NCOA5: variants seen among roughly 807,000 people sequenced by gnomAD.
The protein encoded by NCOA5 is nuclear receptor coactivator 5.
NCOA5 carries 12 observed loss-of-function variants against 59.0 expected under a neutral mutation model. The ratio of observed to expected loss-of-function variants is 0.20; its 90% CI spans 0.13 to 0.33. The LOEUF is 0.33. Among genes scored for constraint, NCOA5 ranks in the 10% least tolerant of loss-of-function variants. NCOA5 has a pLI of 1.00. For synonymous variants in NCOA5, 270 were observed against 275.5 expected (o/e 0.98, Z 0.20); for missense variants, 655 against 766.6 (o/e 0.85, Z 1.72).
chr20:46,070,484 T>C lies in NCOA5; in HGVS notation c.91A>G (p.Ile31Val), dbSNP rs764602082. The C allele has an allele frequency of 1.2e-5, 19 of 1,613,984 alleles. No individual in the cohort carries two copies. The highest frequency in any genetic ancestry group is 3.3e-4 in the Middle Eastern group (2 of 6,062). ...GGCTCTCTCCTTGGACTTCCTCGAA[T>C]TGGGGATCGATCACGCCTTGAATCT... is the stretch of plus-strand genomic sequence containing the variant. ...SRDSRRDRSP[I>V]RGSPRREPRD... Residue 31 changes from isoleucine (I) to valine (V), a missense_variant, in exon 3 of 8, where the codon ATT becomes GTT. Ile to Val is a conservative substitution (Grantham distance 29). Transcript: ENST00000290231.
chr20:46,068,351 C>T, intron 4 of NCOA5, 151 bp downstream of exon 4: 3 of 663,992 alleles, frequency 4.5e-6, no homozygotes, highest in South Asian at 4.0e-5. Flanking sequence ...TGCTCTTTAC[C>T]CACTAATAAG....
chr20:46,084,888 C>A (rs1429825988), intron 1 of NCOA5, among the ~76,000 whole-genome samples: 1 of 152,160 alleles, frequency 6.6e-6, no homozygotes, highest in Admixed American at 6.5e-5. Context: ...AAGTGGAGAA[C>A]AAGTGATGAA....
At position 46,062,179 on chromosome 20, in the gene NCOA5, T is replaced by C. The variant is rs2084773257; in HGVS notation, c.*121A>G. 1 of 718,960 alleles carries C rather than the reference T, an allele frequency of 1.4e-6. No homozygotes were observed. Among genetic ancestry groups the C allele is most frequent in the Non-Finnish European group, 2.2e-6 (1 of 445,286 alleles). The allele number at this position is 718,960 out of a possible 1,614,324, so 44.5% of individuals were successfully genotyped here. ...AGAAGAGAGAGCAGGTGGTAGAAAT[T>C]GATGACACTCGATGCCGGCCTGGGA... is the stretch of plus-strand genomic sequence containing the variant. On this transcript the variant is annotated 3_prime_UTR_variant, in exon 8 of 8. Coordinates refer to ENST00000290231, the MANE Select transcript of NCOA5 (RefSeq NM_020967.3).
At chr20:46,073,888 G>T (rs2084909671) in intron 2 of NCOA5, among the ~76,000 whole-genome samples, 1 of 152,148 alleles carries the variant, frequency 6.6e-6, no homozygotes, top group Non-Finnish European at 1.5e-5. Context: ...CTTCCAGTCT[G>T]AGAGGGCAAG....
At position 46,065,037 on chromosome 20, in the gene NCOA5, G is replaced by T. The variant is rs759029135; in HGVS notation, c.821C>A (p.Thr274Asn). 6.2e-7 allele frequency: 1 copy of T among 1,614,148 alleles called. No homozygotes were observed. Among genetic ancestry groups the T allele is most frequent in the Non-Finnish European group, 8.5e-7 (1 of 1,180,024 alleles). ...GTATTCTGACTCTGTACCTTGCGGG[G>T]TTCCAAACATGATGTTGACTGTGCA... The part of the protein sequence containing the change: ...RSCTVNIMFG[T>N]PQEHRNMPQA... Residue 274 changes from threonine (T) to asparagine (N), a missense_variant, in exon 6 of 8, where the codon ACC becomes AAC. Transcript: ENST00000290231.
intron 1 of NCOA5, among the ~76,000 whole-genome samples, chr20:46,085,731 A>C (rs947008151): frequency 3.3e-5 from 5 of 152,150 alleles, no homozygotes; most frequent in Non-Finnish European, 7.3e-5. Flanking sequence ...CAAGAGTTGG[A>C]CTAGATCCAG....
At chr20:46,077,979 G>A (rs560767300) in intron 2 of NCOA5, among the ~76,000 whole-genome samples, 1 of 152,218 alleles carries the variant, frequency 6.6e-6, no homozygotes, top group Non-Finnish European at 1.5e-5. Context: ...AACCAACAGA[G>A]TATTTACCTG....
intron 1 of NCOA5, among the ~76,000 whole-genome samples, chr20:46,080,464 A>G (rs2084980835): frequency 1.3e-5 from 2 of 152,204 alleles, no homozygotes; most frequent in Non-Finnish European, 2.9e-5. Context: ...AGTGTATCTA[A>G]TGACATCAAA....
intron 6 of NCOA5, among the ~76,000 whole-genome samples, chr20:46,064,436 TGAG>T (rs1011866647): frequency 6.6e-6 from 1 of 152,238 alleles, no homozygotes; most frequent in African/African-American, 2.4e-5. Flanking sequence ...AAGCTACTTC[TGAG>T]GAGGACTTCG....
chr20:46,073,004 T>TA (rs1276755333), intron 2 of NCOA5, among the ~76,000 whole-genome samples: 2 of 152,222 alleles, frequency 1.3e-5, no homozygotes, highest in African/African-American at 4.8e-5. Context: ...TAACCGCACT[T>TA]ACCACACTGT....
intron 1 of NCOA5, among the ~76,000 whole-genome samples, chr20:46,080,254 A>G (rs1360320222): frequency 6.6e-6 from 1 of 152,200 alleles, no homozygotes; most frequent in Non-Finnish European, 1.5e-5. Context: ...AACCAAGAAT[A>G]CCTGCTTTAC....
chr20:46,084,667 C>G (rs1387747659), intron 1 of NCOA5, among the ~76,000 whole-genome samples: 1 of 152,186 alleles, frequency 6.6e-6, no homozygotes, highest in Non-Finnish European at 1.5e-5. Context: ...TTACTCCAGT[C>G]ATTTGATTTC....
chr20:46,072,046 C>G (rs150929945), intron 2 of NCOA5, among the ~76,000 whole-genome samples: 2 of 152,330 alleles, frequency 1.3e-5, no homozygotes, highest in Non-Finnish European at 2.9e-5. Context: ...GTTACTCAAG[C>G]CACGAAACTG....
intron 1 of NCOA5, among the ~76,000 whole-genome samples, chr20:46,081,101 A>C (rs1203180365): frequency 6.6e-6 from 1 of 152,090 alleles, no homozygotes; most frequent in Admixed American, 6.5e-5. Context: ...TGAGTATTTT[A>C]AGTAGTTTTC....
intron 6 of NCOA5, 56 bp from the exon 7 acceptor site, chr20:46,063,736 C>A (rs1445701330): frequency 6.7e-7 from 1 of 1,503,738 alleles, no homozygotes; most frequent in East Asian, 2.3e-5. Context: ...AAGTGCCCAC[C>A]TGCTGCACTC....
At chr20:46,067,007 TTC>T (rs1416943227) in intron 5 of NCOA5, 46 bp downstream of exon 5, 28 of 1,598,214 alleles carry the variant, frequency 1.8e-5, no homozygotes, top group Middle Eastern at 1.7e-4. Context: ...GAGCCTGAAT[TTC>T]TCTGACTCTT....
In NCOA5 at chr20:46,063,508, C is replaced by G. The variant is rs746125953; in HGVS notation, c.1002G>C (p.Val334=). 6.2e-7 allele frequency: 1 copy of G among 1,614,222 alleles called. No individual in the cohort carries two copies. The highest frequency in any genetic ancestry group is 8.5e-7 in the Non-Finnish European group (1 of 1,180,038). ...GGATGGCTGGAGGGTGGCCCCCACG[C>G]ACTCCCTCCTCAGGGCCTCCTCTCT... The part of the protein sequence containing the change: ...ERERGGPEEG[V]RGGHPPAIQS... Residue 334 remains valine (V), a synonymous_variant, in exon 7 of 8, where the codon GTG becomes GTC. Transcript: ENST00000290231.
rs889588530 is a variant in NCOA5 at position 46,064,895 on chromosome 20, G to C, written c.829+134C>G. The C allele has an allele frequency of 6.3e-6, 5 of 788,852 alleles. No individual in the cohort carries two copies. In the African/African-American group the frequency reaches 6.9e-5, roughly 11 times the overall value. The allele number at this position is 788,852 out of a possible 1,614,324, so 48.9% of individuals were successfully genotyped here. A position where few individuals can be genotyped will look rare whatever the true frequency, so the allele number is the denominator to read the frequency against. ...AAGTGACTATGCAAGACTCTTCCAT[G>C]GTACTTAAGAGAGGGGCCCTACCAT... On this transcript the variant is annotated intron_variant, in intron 6 of 7. Coordinates refer to ENST00000290231, the MANE Select transcript of NCOA5 (RefSeq NM_020967.3).
rs1280793688 is a variant in NCOA5 at position 46,062,865 on chromosome 20, C to T, written c.1175G>A (p.Gly392Glu). ...LPGPISRQPL[G>E]ATSGASLKTQ... ...CTTCAGCGAGGCACCCGAGGTCGCC[C>T]CGAGTGGTTGGCGGGAAATCGGGCC... is the stretch of plus-strand genomic sequence containing the variant. The change falls in exon 8 of 8, where the codon GGG becomes GAG. Residue 392 changes from glycine to glutamate, a missense_variant. Physicochemically the swap from Gly to Glu is moderately conservative, Grantham distance 98 (BLOSUM62 -2). Coordinates refer to ENST00000290231, the MANE Select transcript of NCOA5 (RefSeq NM_020967.3). 6.6e-7 allele frequency: 1 copy of T among 1,518,428 alleles called. No individual in the cohort carries two copies. Among genetic ancestry groups the T allele is most frequent in the Non-Finnish European group, 8.8e-7 (1 of 1,134,532 alleles). The allele number at this position is 1,518,428 out of a possible 1,614,324, so 94.1% of individuals were successfully genotyped here. A position where few individuals can be genotyped will look rare whatever the true frequency, so the allele number is the denominator to read the frequency against.
Sources: allele counts gnomAD v4.1 joint callset (sites outside exome capture counted in the v4.1 genomes callset), GRCh38; gene constraint gnomAD v4.1.1; transcripts MANE v1.5; gene names NCBI Gene and HGNC (gene_info 2026-07-23, HGNC 2026-07-21).